Variants in ZDHHC9 observed in about 807,000 individuals in gnomAD.
ZDHHC9 encodes the protein palmitoyltransferase ZDHHC9.
A neutral mutation model predicts 26.6 loss-of-function variants in ZDHHC9; 3 were observed. The observed-to-expected ratio is 0.11, with a 90% CI of 0.05 to 0.29. ZDHHC9 has a LOEUF of 0.29. Ranked by LOEUF, ZDHHC9 falls within the 10% of genes least tolerant of loss-of-function variation. ZDHHC9 has a pLI of 1.00. For synonymous variants in ZDHHC9, 111 were observed against 109.4 expected (o/e 1.01, Z -0.09); for missense variants, 146 against 296.4 (o/e 0.49, Z 3.73).
intron 10 of ZDHHC9, among the ~76,000 whole-genome samples, chrX:129,810,604 T>C (rs1927616708): frequency 9.0e-6 from 1 of 111,344 alleles, no homozygotes; most frequent in Non-Finnish European, 1.9e-5. Flanking sequence ...CCTGTTTACT[T>C]GTTTCTTGCC....
rs533688738 is a variant in ZDHHC9, at chrX:129,839,604, C to T, written c.167+2175G>A. Among the ~76,000 whole-genome samples, 30 of 108,421 alleles carry T rather than the reference C, an allele frequency of 2.8e-4. No individual in the cohort carries two copies. The South Asian group carries it at 0.01, about 38-fold the overall frequency. 94.2% of individuals were successfully genotyped at this position (108,421 alleles called of 115,157 possible). A position where few individuals can be genotyped will look rare whatever the true frequency, so the allele number is the denominator to read the frequency against. Reference sequence around the variant, plus strand: ...AATTATAGATGCCAAAGAAAAAGGCCGACCAGAAGGAGATTTCATTCCTCA... The same window carrying T: ...AATTATAGATGCCAAAGAAAAAGGCTGACCAGAAGGAGATTTCATTCCTCA... On this transcript the variant is annotated intron_variant, in intron 3 of 10. Coordinates refer to ENST00000357166, the MANE Select transcript of ZDHHC9 (RefSeq NM_016032.4).
At chrX:129,834,869 T>C (rs746753464) in intron 3 of ZDHHC9, among the ~76,000 whole-genome samples, 17 of 111,969 alleles carry the variant, frequency 1.5e-4, no homozygotes, top group Non-Finnish European at 2.3e-4. Context: ...CTAAGGTACC[T>C]CCTTTGTTCT....
intron 5 of ZDHHC9, among the ~76,000 whole-genome samples, chrX:129,821,782 C>T (rs183137680): frequency 0.011 from 1,151 of 108,531 alleles, 17 homozygotes; most frequent in African/African-American, 0.036. Flanking sequence ...ATTAGCCGGG[C>T]GTGGTGGTGT....
rs1248710921 is a variant in ZDHHC9 at position 129,806,421 on chromosome X, T to C, written c.1044A>G (p.Pro348=). The C allele has an allele frequency of 8.3e-7, 1 of 1,209,873 alleles. No individual in the cohort carries two copies. Among genetic ancestry groups the C allele is most frequent in the East Asian group, 3.0e-5 (1 of 33,775 alleles). ...GTGGTGGCTCTGGGGGCTCTGGAGG[T>C]GGCATCTCTTCGGGAGTGCTGCTGT... ...PEDSSTPEEM[P]PPEPPEPPQE... is the part of the protein sequence containing the mutation. Residue 348 remains proline, a synonymous_variant, in exon 11 of 11, where the codon CCA becomes CCG. Coordinates refer to ENST00000357166, the MANE Select transcript of ZDHHC9 (RefSeq NM_016032.4).
In ZDHHC9 at chrX:129,829,112, G is replaced by A. The variant is rs1347637975; in HGVS notation, c.197C>T (p.Pro66Leu). Residue 66 changes from proline to leucine, a missense_variant, in exon 4 of 11, where the codon CCT (proline) becomes CTT (leucine). Around this residue, in one of 2 missense-constraint regions of ZDHHC9, gnomAD observed 100 missense variants for 250.0 expected, o/e 0.40. Coordinates refer to ENST00000357166, the MANE Select transcript of ZDHHC9 (RefSeq NM_016032.4). ...CATGGCAGCAAATACAGGGATGGCA[G>A]GAGACAGCTGAACAGCCAGGTAGCG... ...ECRYLAVQLS[P>L]AIPVFAAMLF... 1 of 1,211,830 alleles carries A rather than the reference G, an allele frequency of 8.3e-7. No individual in the cohort carries two copies.
chrX:129,829,242 C>T (rs1928089437), intron 3 of ZDHHC9, 101 bp from the exon 4 acceptor site: 1 of 944,270 alleles, frequency 1.1e-6, no homozygotes, highest in Non-Finnish European at 1.5e-6. Flanking sequence ...GAATCAGCAG[C>T]ACCTCAAGGG....
At chrX:129,839,433 G>A (rs757951685) in intron 3 of ZDHHC9, among the ~76,000 whole-genome samples, 54 of 110,257 alleles carry the variant, frequency 4.9e-4, no homozygotes, top group African/African-American at 1.7e-3. Flanking sequence ...GGCTGGTCTC[G>A]AACTCCTGAC....
intron 4 of ZDHHC9, 33 bp downstream of exon 4, chrX:129,828,948 C>A (rs1602957375): frequency 8.3e-7 from 1 of 1,210,873 alleles, no homozygotes; most frequent in Non-Finnish European, 1.1e-6. Flanking sequence ...CCACCCACTA[C>A]ACAGCAGCTT....
chrX:129,823,636 A>T (rs1181643455), intron 5 of ZDHHC9, 43 bp downstream of exon 5: 1 of 1,208,367 alleles, frequency 8.3e-7, no homozygotes, highest in Admixed American at 2.2e-5. Context: ...TTCTAGTTCA[A>T]CTCAGCCTTT....
intron 1 of ZDHHC9, 57 bp from the exon 2 acceptor site, chrX:129,843,383 G>A (rs766861586): frequency 1.2e-4 from 13 of 111,912 alleles, no homozygotes; most frequent in Non-Finnish European, 2.5e-4. Context: ...CCCAGCGGGG[G>A]GCCGGAGGCC....
At position 129,829,018 on chromosome X, in the gene ZDHHC9, C is replaced by T. The variant is rs77513704; in HGVS notation, c.291G>A (p.Ala97=). 128 of 1,209,983 alleles carry T rather than the reference C, an allele frequency of 1.1e-4. No homozygotes were observed. In the African/African-American group the frequency reaches 1.6e-3, roughly 15 times the overall value. The change falls in exon 4 of 11, where the codon GCG becomes GCA. Residue 97 remains alanine (A), a synonymous_variant. Coordinates refer to ENST00000357166, the MANE Select transcript of ZDHHC9 (RefSeq NM_016032.4). ...SFSDPGVIPR[A]LPDEAAFIEM... ...CTATGAAAGCTGCTTCATCTGGTAGCGCCCGAGGAATCACTCCAGGGTCAC... is the reference window on the plus strand; with the variant it reads ...CTATGAAAGCTGCTTCATCTGGTAGTGCCCGAGGAATCACTCCAGGGTCAC...
chrX:129,825,614 T>C (rs1235507862), intron 4 of ZDHHC9, among the ~76,000 whole-genome samples: 1 of 111,609 alleles, frequency 9.0e-6, no homozygotes, highest in Admixed American at 9.6e-5. Context: ...TGATGTTTCA[T>C]GTAAAAATTT....
At chrX:129,831,600 A>T (rs2124127628) in intron 3 of ZDHHC9, among the ~76,000 whole-genome samples, 1 of 111,902 alleles carries the variant, frequency 8.9e-6, no homozygotes, top group South Asian at 3.7e-4. Flanking sequence ...GGTCTCTGTA[A>T]TCTCCACACA....
rs1411148741 is a variant in ZDHHC9, at chrX:129,803,777, G to A, written c.*2593C>T. The A allele has an allele frequency of 8.9e-6, 1 of 112,037 alleles. No individual in the cohort carries two copies. Among genetic ancestry groups the A allele is most frequent in the Non-Finnish European group, 1.9e-5 (1 of 53,212 alleles). 9.2% of individuals were successfully genotyped at this position (112,037 alleles called of 1,213,427 possible). A position where few individuals can be genotyped will look rare whatever the true frequency, so the allele number is the denominator to read the frequency against. On this transcript the variant is annotated 3_prime_UTR_variant, in exon 11 of 11. Transcript: ENST00000357166. ...GATCAGTGCCAACCATCCTGGCCTG[G>A]GAAAGTAGGGTGCATAGGAAGCTTG...
chrX:129,814,823 C>G (rs898868823), intron 5 of ZDHHC9, 28 bp from the exon 6 acceptor site: 1 of 1,207,162 alleles, frequency 8.3e-7, no homozygotes, highest in African/African-American at 1.8e-5. Flanking sequence ...AGTCCAAAGC[C>G]AAAAGCCTCC....
chrX:129,813,222 C>T (rs1180798573), intron 7 of ZDHHC9, among the ~76,000 whole-genome samples: 1 of 111,985 alleles, frequency 8.9e-6, no homozygotes, highest in African/African-American at 3.3e-5. Context: ...CATGGTGAAA[C>T]CCCCGTCTCT....
At chrX:129,808,633 T>A (rs1284621311) in intron 10 of ZDHHC9, among the ~76,000 whole-genome samples, 1 of 111,573 alleles carries the variant, frequency 9.0e-6, no homozygotes, top group Non-Finnish European at 1.9e-5. Flanking sequence ...AGGGCATAAA[T>A]CTTCATGACT....
chrX:129,822,079 T>C (rs1927900617), intron 5 of ZDHHC9, among the ~76,000 whole-genome samples: 1 of 111,272 alleles, frequency 9.0e-6, no homozygotes. Flanking sequence ...GAAATACCAT[T>C]TGACCCAGCA....
chrX:129,824,536 C>T (rs7890982), intron 4 of ZDHHC9, among the ~76,000 whole-genome samples: 118 of 111,376 alleles, frequency 1.1e-3, no homozygotes, highest in African/African-American at 3.5e-3. Flanking sequence ...GTGATCCGCC[C>T]GCCTCAGCCT....
Sources: gnomAD v4.1 joint callset for allele counts (sites outside exome capture counted in the v4.1 genomes callset) on GRCh38, gnomAD v4.1.1 for gene constraint, gnomAD v4.1.1 regional missense constraint, MANE v1.5 for transcripts, NCBI Gene and HGNC (gene_info 2026-07-23, HGNC 2026-07-21) for gene names.